The following LRPPRC variants were observed in gnomAD, a reference collection of about 807,000 sequenced individuals.
The protein encoded by LRPPRC is leucine-rich PPR motif-containing protein, mitochondrial.
A neutral mutation model predicts 180.3 loss-of-function variants in LRPPRC; 120 were observed. The observed-to-expected ratio is 0.67, with a 90% CI of 0.57 to 0.77. The LOEUF is 0.77. Ranked by LOEUF, LRPPRC falls within the 30% of genes least tolerant of loss-of-function variation. The probability of loss-of-function intolerance (pLI) is 0.00; values close to 1 mark genes in which losing one functional copy is unlikely to be tolerated. For missense variants in LRPPRC, 2,012 were observed against 1,657.2 expected, an observed-to-expected ratio of 1.21 and a Z score of -3.72; for synonymous variants, 723 against 600.0, an observed-to-expected ratio of 1.21 and a Z score of -3.00.
chr2:43,941,537 C>T (rs1022232761), intron 23 of LRPPRC, among the ~76,000 whole-genome samples: 8 of 152,062 alleles, frequency 5.3e-5, no homozygotes, highest in South Asian at 2.1e-4. Flanking sequence ...AAATCGAATA[C>T]ACGTGGACTT....
At chr2:43,990,573 G>A (rs923898607) in intron 1 of LRPPRC, among the ~76,000 whole-genome samples, 1 of 152,080 alleles carries the variant, frequency 6.6e-6, no homozygotes, top group African/African-American at 2.4e-5. Flanking sequence ...CGGGATAAAC[G>A]GCCTCCAAGT....
chr2:43,959,429 TAC>T (rs1673250272), intron 13 of LRPPRC, among the ~76,000 whole-genome samples: 1 of 152,204 alleles, frequency 6.6e-6, no homozygotes, highest in African/African-American at 2.4e-5. Flanking sequence ...GTTCCACCCA[TAC>T]AGTTTGAATA....
chr2:43,955,041 G>A (rs1020125331), intron 14 of LRPPRC, among the ~76,000 whole-genome samples: 1 of 152,070 alleles, frequency 6.6e-6, no homozygotes, highest in Non-Finnish European at 1.5e-5. Flanking sequence ...TCCACGATAC[G>A]GGTTTTTATA....
At chr2:43,976,335 G>C (rs1039697546) in intron 5 of LRPPRC, 106 bp from the exon 6 acceptor site, 2 of 692,914 alleles carry the variant, frequency 2.9e-6, no homozygotes, top group Admixed American at 2.2e-5. Context: ...AAATATAATA[G>C]TAATATACAT....
rs1674347435 is a variant in LRPPRC, at chr2:43,982,332, A to G, written c.252T>C (p.Asp84=). 6.2e-7 allele frequency: 1 copy of G among 1,613,560 alleles called. No homozygotes were observed. The highest frequency in any genetic ancestry group is 8.5e-7 in the Non-Finnish European group (1 of 1,179,596). ...FSSRKISNQF[D]WALMRLDLSV... is the part of the protein sequence containing the mutation. Reference sequence around the variant, plus strand: ...AAAGATCTAGTCTCATTAGAGCCCAATCAAACTGATTGGAAATCTTCCTAG... The same window carrying G: ...AAAGATCTAGTCTCATTAGAGCCCAGTCAAACTGATTGGAAATCTTCCTAG... The change falls in exon 2 of 38, where the codon GAT becomes GAC. Residue 84 remains aspartate, a synonymous_variant. Coordinates refer to ENST00000260665, the MANE Select transcript of LRPPRC (RefSeq NM_133259.4).
At chr2:43,955,469 A>C (rs1249864906) in intron 14 of LRPPRC, among the ~76,000 whole-genome samples, 2 of 92,374 alleles carry the variant, frequency 2.2e-5, no homozygotes, top group East Asian at 1.1e-3. Flanking sequence ...ACTCTGTCTC[A>C]AAAAGAAAAA....
intron 21 of LRPPRC, 123 bp downstream of exon 21, chr2:43,945,990 T>A (rs1672666851): frequency 2.8e-6 from 3 of 1,054,354 alleles, no homozygotes; most frequent in Admixed American, 3.6e-5. Flanking sequence ...TCAAAAACAC[T>A]GACAACAAAA....
chr2:43,895,608 G>C (rs1312404005), intron 35 of LRPPRC, among the ~76,000 whole-genome samples: 2 of 152,182 alleles, frequency 1.3e-5, no homozygotes, highest in African/African-American at 4.8e-5. Flanking sequence ...TCTAAAAGTT[G>C]TTGGTAGTAA....
At chr2:43,933,282 T>C (rs944803231) in intron 25 of LRPPRC, among the ~76,000 whole-genome samples, 1 of 152,198 alleles carries the variant, frequency 6.6e-6, no homozygotes, top group African/African-American at 2.4e-5. Context: ...TACAGTTTTC[T>C]GGGTTGTGTG....
intron 14 of LRPPRC, 28 bp from the exon 15 acceptor site, chr2:43,950,628 T>C: frequency 1.3e-6 from 2 of 1,592,940 alleles, no homozygotes; most frequent in Non-Finnish European, 1.7e-6. Flanking sequence ...GGATCGAAAA[T>C]AAACCCAGGT....
chr2:43,899,075 C>T (rs1177603146), intron 34 of LRPPRC, 144 bp downstream of exon 34: 1 of 690,018 alleles, frequency 1.4e-6, no homozygotes, highest in Non-Finnish European at 2.6e-6. Context: ...TGTCCTGCAA[C>T]CGTGATTCAC....
intron 23 of LRPPRC, among the ~76,000 whole-genome samples, chr2:43,936,861 C>T (rs1036023704): frequency 1.3e-5 from 2 of 152,310 alleles, no homozygotes; most frequent in East Asian, 1.9e-4. Context: ...AGAAATGGTA[C>T]AGTAGCTACC....
chr2:43,890,414 A>G (rs1670445877), intron 36 of LRPPRC: 2 of 462,018 alleles, frequency 4.3e-6, no homozygotes, highest in Admixed American at 2.5e-5. Flanking sequence ...AATGATACAC[A>G]CACACAAAAA....
chr2:43,895,493 T>C (rs1170684384), intron 35 of LRPPRC, among the ~76,000 whole-genome samples: 1 of 152,180 alleles, frequency 6.6e-6, no homozygotes, highest in African/African-American at 2.4e-5. Context: ...CTTGGCACAG[T>C]CCCACAGGTG....
chr2:43,975,581 CTTTT>C (rs1438167487), intron 6 of LRPPRC, among the ~76,000 whole-genome samples: 1 of 150,952 alleles, frequency 6.6e-6, no homozygotes. Context: ...AGCCCAGTTT[CTTTT>C]TTCTTTTTTT....
At chr2:43,990,963 A>C (rs537046537) in intron 1 of LRPPRC, among the ~76,000 whole-genome samples, 1 of 151,624 alleles carries the variant, frequency 6.6e-6, no homozygotes, top group East Asian at 1.9e-4. Flanking sequence ...CTCCTGCCTC[A>C]GCCTCCCAAG....
intron 27 of LRPPRC, among the ~76,000 whole-genome samples, chr2:43,924,474 A>G (rs1671806622): frequency 6.6e-6 from 1 of 152,234 alleles, no homozygotes; most frequent in African/African-American, 2.4e-5. Flanking sequence ...GAAATGGAAA[A>G]TGGAAATCTA....
rs1303510392 is a variant in LRPPRC, at chr2:43,924,451, T to C, written c.2896+616A>G. ...GATTAAGGCACAAAAATGAATAACG[T>C]AGTGTTGTTTTAGAAATGGAAAATG... On this transcript the variant is annotated intron_variant, in intron 27 of 37. Transcript: ENST00000260665. Among the ~76,000 whole-genome samples, 4 of 152,322 alleles carry C rather than the reference T, an allele frequency of 2.6e-5. No homozygotes were observed. The South Asian group carries it at 8.3e-4, about 32-fold the overall frequency.
intron 1 of LRPPRC, among the ~76,000 whole-genome samples, chr2:43,989,796 T>C (rs1294824206): frequency 1.3e-5 from 2 of 152,248 alleles, no homozygotes; most frequent in East Asian, 1.9e-4. Flanking sequence ...TCACGGTATC[T>C]GGAGTTGAAT....
Sources: allele counts gnomAD v4.1 joint callset (sites outside exome capture counted in the v4.1 genomes callset), GRCh38; gene constraint gnomAD v4.1.1; transcripts MANE v1.5; gene names NCBI Gene and HGNC (gene_info 2026-07-23, HGNC 2026-07-21).